The following SEC31A variants were observed in gnomAD, a reference collection of about 807,000 sequenced individuals.
SEC31A encodes the protein protein transport protein Sec31A.
Under a neutral mutation model 151.0 loss-of-function variants are expected in SEC31A, and 70 were observed. The ratio of observed to expected loss-of-function variants is 0.46; its 90% CI spans 0.38 to 0.57. The LOEUF is 0.57. SEC31A is among the 20% of genes least tolerant of loss of function. SEC31A has a pLI of 0.00. For synonymous variants in SEC31A, 475 were observed against 505.9 expected, an observed-to-expected ratio of 0.94 and a Z score of 0.82; for missense variants, 1,330 against 1,471.2, an observed-to-expected ratio of 0.90 and a Z score of 1.57.
In SEC31A at chr4:82,842,206, C is replaced by T. The variant is rs780328056; in HGVS notation, c.2902G>A (p.Ala968Thr). The T allele has an allele frequency of 6.2e-7, 1 of 1,609,416 alleles. No individual in the cohort carries two copies. Among genetic ancestry groups the T allele is most frequent in the South Asian group, 1.1e-5 (1 of 90,362 alleles). ...GTACCTGTTGTTCCAGGAGGCAGTG[C>T]ATAAGCTGAAGATGATGGTGGAGCT... ...PGAPPSSSAYALPPGTTGTLP... is the reference protein window; with the variant it reads ...PGAPPSSSAYTLPPGTTGTLP... Residue 968 changes from alanine to threonine, a missense_variant, in exon 22 of 27, where the codon GCA becomes ACA. Physicochemically the swap from Ala to Thr is moderately conservative, Grantham distance 58 (BLOSUM62 0). Coordinates refer to ENST00000395310, the MANE Select transcript of SEC31A (RefSeq NM_001077207.4).
At chr4:82,866,222 G>GC (rs1468147104) in intron 10 of SEC31A, among the ~76,000 whole-genome samples, 4 of 152,224 alleles carry the variant, frequency 2.6e-5, no homozygotes, top group African/African-American at 9.6e-5. Flanking sequence ...TGTAATCCCA[G>GC]CACTTTGGGA....
intron 25 of SEC31A, among the ~76,000 whole-genome samples, chr4:82,823,377 CTT>C (rs1051833541): frequency 3.7e-4 from 57 of 152,310 alleles, no homozygotes; most frequent in Admixed American, 1.2e-3. Context: ...CGTCTGCTCT[CTT>C]GTTTCCACCT....
intron 20 of SEC31A, among the ~76,000 whole-genome samples, chr4:82,847,387 C>T (rs1420439026): frequency 6.6e-6 from 1 of 152,234 alleles, no homozygotes; most frequent in African/African-American, 2.4e-5. Flanking sequence ...TTACGATTCA[C>T]TTTGTCTTTT....
At chr4:82,898,727 T>A (rs1309158917) in intron 3 of SEC31A, among the ~76,000 whole-genome samples, 4 of 152,228 alleles carry the variant, frequency 2.6e-5, no homozygotes, top group African/African-American at 9.6e-5. Context: ...GACAGCCACT[T>A]CACATGCACA....
chr4:82,819,549 C>G (rs1430926673), intron 26 of SEC31A, among the ~76,000 whole-genome samples: 1 of 152,132 alleles, frequency 6.6e-6, no homozygotes, highest in Non-Finnish European at 1.5e-5. Context: ...TAATTTCTCT[C>G]TCCACTTAAG....
intron 20 of SEC31A, 55 bp downstream of exon 20, chr4:82,848,749 C>A: frequency 6.7e-7 from 1 of 1,492,912 alleles, no homozygotes; most frequent in South Asian, 1.3e-5. Flanking sequence ...TGAAAACCAC[C>A]AATTTGAAGA....
At chr4:82,890,870 C>G in intron 1 of SEC31A, 1 of 1,386,022 alleles carries the variant, frequency 7.2e-7, no homozygotes, top group Non-Finnish European at 9.3e-7. Flanking sequence ...GCAGTGGAGA[C>G]GTCGGCGAAT....
rs1722747606 is a variant in SEC31A at position 82,818,810 on chromosome 4, A to G, written c.*264T>C. 3.3e-6 allele frequency: 1 copy of G among 300,416 alleles called. No homozygotes were observed. 18.6% of individuals were successfully genotyped at this position (300,416 alleles called of 1,614,324 possible). On this transcript the variant is annotated 3_prime_UTR_variant, in exon 27 of 27. Transcript: ENST00000395310. The stretch of plus-strand genomic sequence containing the variant: ...AAAAACACATTTATCAGAATACTTC[A>G]GGAAACCATACTATGTGTAATCCAG...
intron 20 of SEC31A, among the ~76,000 whole-genome samples, chr4:82,846,290 A>C (rs1353926756): frequency 6.6e-6 from 1 of 151,554 alleles, no homozygotes; most frequent in Non-Finnish European, 1.5e-5. Context: ...GGCGTGAGCC[A>C]CCACGCCCGG....
rs181644927 is a variant in SEC31A at position 82,862,164 on chromosome 4, C to T, written c.1548+370G>A. 7.4e-3 allele frequency among the ~76,000 whole-genome samples: 1,107 copies of T among 149,892 alleles called. 14 individuals are homozygous for T. Among genetic ancestry groups the T allele is most frequent in the Middle Eastern group, 0.011 (3 of 284 alleles). On this transcript the variant is annotated intron_variant, in intron 13 of 26. Coordinates refer to ENST00000395310, the MANE Select transcript of SEC31A (RefSeq NM_001077207.4). ...CTGACCTCAGGTGATCCACCTGCCT[C>T]GGCCTCCCAAAGTGCTGGGATTACA...
chr4:82,879,280 T>C lies in SEC31A; in HGVS notation c.204-352A>G, dbSNP rs377014303. Among the ~76,000 whole-genome samples, 256 of 152,036 alleles carry C rather than the reference T, an allele frequency of 1.7e-3. 2 individuals are homozygous for C. Among genetic ancestry groups the C allele is most frequent in the Middle Eastern group, 6.8e-3 (2 of 294 alleles). On this transcript the variant is annotated intron_variant, in intron 3 of 26. Transcript: ENST00000395310. ...ATCTTCTTAAATTGCCTCTGGTTCA[T>C]TGTAAAATAGAGCTAATCAATCACT...
intron 25 of SEC31A, 113 bp from the exon 26 acceptor site, chr4:82,821,221 A>G: frequency 1.2e-6 from 1 of 820,050 alleles, no homozygotes; most frequent in Non-Finnish European, 2.0e-6. Flanking sequence ...GCTTCATTTT[A>G]TAAAGAAATG....
chr4:82,841,442 T>TTATATA lies in SEC31A; in HGVS notation c.2968+692_2968+697dup, dbSNP rs58373170. On this transcript the variant is annotated intron_variant, in intron 22 of 26. Coordinates refer to ENST00000395310, the MANE Select transcript of SEC31A (RefSeq NM_001077207.4). ...CATCTCAAAAAAGAAAAAAAAAATTTTATATATATATATATATATATATAT... is the reference window on the plus strand; with the variant it reads ...CATCTCAAAAAAGAAAAAAAAAATTTTATATATATATATATATATATATATATATAT... Among the ~76,000 whole-genome samples the TTATATA allele has an allele frequency of 1.5e-3, 99 of 64,436 alleles. 7 individuals are homozygous for TTATATA. Among genetic ancestry groups the TTATATA allele is most frequent in the South Asian group, 5.9e-3 (10 of 1,684 alleles). The allele number at this position is 64,436 out of a possible 152,430, so 42.3% of individuals were successfully genotyped here. A position where few individuals can be genotyped will look rare whatever the true frequency, so the allele number is the denominator to read the frequency against.
At chr4:82,890,336 A>G (rs1742045230) in intron 1 of SEC31A, among the ~76,000 whole-genome samples, 1 of 152,172 alleles carries the variant, frequency 6.6e-6, no homozygotes, top group South Asian at 2.1e-4. Flanking sequence ...GCCCACAAAG[A>G]CAACCAAATT....
intron 14 of SEC31A, chr4:82,857,997 G>A: frequency 2.8e-6 from 1 of 353,024 alleles, no homozygotes; most frequent in Non-Finnish European, 5.3e-6. Flanking sequence ...GGTTAAACAG[G>A]CTGGGCACAG....
intron 24 of SEC31A, among the ~76,000 whole-genome samples, chr4:82,826,624 A>T (rs985151226): frequency 3.3e-5 from 5 of 152,256 alleles, no homozygotes; most frequent in Non-Finnish European, 4.4e-5. Context: ...AAGCATTGGG[A>T]TAAGAGGCGT....
At chr4:82,891,744 C>T (rs979515121), upstream of SEC31A, among the ~76,000 whole-genome samples, 5 of 152,090 alleles carry the variant, frequency 3.3e-5, no homozygotes, top group African/African-American at 1.2e-4. Context: ...CCAATTAGTA[C>T]CGTTTCATAC....
chr4:82,828,358 T>G (rs745881808), intron 23 of SEC31A, among the ~76,000 whole-genome samples: 13 of 152,196 alleles, frequency 8.5e-5, no homozygotes, highest in Non-Finnish European at 1.6e-4. Flanking sequence ...ACACTAAAAG[T>G]ACTAAATTCA....
At chr4:82,851,013 A>G (rs1300724833) in intron 19 of SEC31A, among the ~76,000 whole-genome samples, 1 of 152,252 alleles carries the variant, frequency 6.6e-6, no homozygotes, top group East Asian at 1.9e-4. Context: ...ATGAACTTCA[A>G]TACTATCTGG....
Sources: gnomAD v4.1 joint callset for allele counts (sites outside exome capture counted in the v4.1 genomes callset) on GRCh38, gnomAD v4.1.1 for gene constraint, MANE v1.5 for transcripts, NCBI Gene and HGNC (gene_info 2026-07-23, HGNC 2026-07-21) for gene names.